The following SPEG variants were observed in gnomAD, a reference collection of about 807,000 sequenced individuals.
The protein encoded by SPEG is striated muscle preferentially expressed protein kinase.
In SPEG, 114 loss-of-function variants were observed where a neutral mutation model predicts 300.4. The observed-to-expected ratio is 0.38, with a 90% CI of 0.33 to 0.44. The LOEUF is 0.44. SPEG is among the 20% of genes least tolerant of loss of function. SPEG has a pLI of 1.00. For missense variants in SPEG, 4,201 were observed against 4,586.2 expected (o/e 0.92, Z 2.43); for synonymous variants, 1,964 against 2,018.9 (o/e 0.97, Z 0.73).
Position 219,477,315 on chromosome 2 carries a change from C to G in SPEG, c.4599C>G (p.Phe1533Leu). The change falls in exon 20 of 41, where the codon TTC becomes TTG. Residue 1533 changes from phenylalanine (F) to leucine (L), a missense_variant. Phe to Leu is a conservative substitution (Grantham distance 22). This residue lies in a region of SPEG where 1,047 missense variants were observed against 1,356.8 expected (regional missense o/e 0.77). Transcript: ENST00000312358. This position sits in a 1 kb window ranked among gnomAD's most constrained non-coding sequence, Gnocchi z 6.4. The part of the protein sequence containing the change: ...VLLTESSHVS[F>L]VYEENECSLV... ...TGACCGAGAGCAGCCATGTGAGCTT[C>G]GTGTACGAGGAGAATGAGTGCTCCC... The G allele has an allele frequency of 3.1e-6, 5 of 1,613,266 alleles. No individual in the cohort carries two copies. The highest frequency in any genetic ancestry group is 4.2e-6 in the Non-Finnish European group (5 of 1,179,848).
In SPEG at chr2:219,492,643, G is replaced by C. The variant is rs530008202; in HGVS notation, c.9661G>C (p.Ala3221Pro). Residue 3221 changes from alanine (A) to proline (P), a missense_variant, in exon 41 of 41, where the codon GCC (alanine) becomes CCC (proline). Around this residue, in one of 4 missense-constraint regions of SPEG, gnomAD observed 318 missense variants for 429.5 expected, o/e 0.74. Transcript: ENST00000312358. ...CCTGGCCCACCCATGGTTGCAGGAC[G>C]CCTACCTGATGAAGCTGCGCCGCCA... ...DCLAHPWLQD[A>P]YLMKLRRQTL... The C allele has an allele frequency of 3.7e-6, 6 of 1,611,312 alleles. No individual in the cohort carries two copies. Among genetic ancestry groups the C allele is most frequent in the Non-Finnish European group, 5.1e-6 (6 of 1,180,002 alleles).
chr2:219,490,805 C>T lies in SPEG; in HGVS notation c.9234C>T (p.Gly3078=), dbSNP rs759373121. The change falls in exon 38 of 41, where the codon GGC becomes GGT. Residue 3078 remains glycine (G), a synonymous_variant. Transcript: ENST00000312358. Reference sequence around the variant, plus strand: ...TACAAGGCCTGGACTACCTCCACGGCCACCACGTGCTCCACCTAGACATCA... The same window carrying T: ...TACAAGGCCTGGACTACCTCCACGGTCACCACGTGCTCCACCTAGACATCA... ...QLLQGLDYLH[G]HHVLHLDIKP... 3 of 1,613,976 alleles carry T rather than the reference C, an allele frequency of 1.9e-6. No individual in the cohort carries two copies. Among genetic ancestry groups the T allele is most frequent in the Middle Eastern group, 1.6e-4 (1 of 6,084 alleles).
chr2:219,459,959 G>A lies in SPEG; in HGVS notation c.2441-1923G>A, dbSNP rs1484489400. 6.6e-6 allele frequency among the ~76,000 whole-genome samples: 1 copy of A among 152,218 alleles called. No homozygotes were observed. Among genetic ancestry groups the A allele is most frequent in the Non-Finnish European group, 1.5e-5 (1 of 68,032 alleles). On this transcript the variant is annotated intron_variant, in intron 6 of 40. Transcript: ENST00000312358. This position sits in a 1 kb window ranked among gnomAD's most constrained non-coding sequence, Gnocchi z 4.9. ...CGGGGTGAGGTGATAGGAAGAGGGA[G>A]AAGGACATGTGACCCCTGCTCAACA... is the stretch of plus-strand genomic sequence containing the variant.
chr2:219,460,857 T>C, intron 6 of SPEG: 5 of 986,218 alleles, frequency 5.1e-6, no homozygotes, highest in Non-Finnish European at 6.0e-6. Flanking sequence ...TGAGTGGGGC[T>C]GGGCAGGCTG....
In SPEG at chr2:219,448,725, C is replaced by A; in HGVS notation, c.1567C>A (p.Arg523Ser). The A allele has an allele frequency of 6.7e-7, 1 of 1,491,024 alleles. No individual in the cohort carries two copies. Among genetic ancestry groups the A allele is most frequent in the East Asian group, 2.8e-5 (1 of 35,316 alleles). The allele number at this position is 1,491,024 out of a possible 1,614,324, so 92.4% of individuals were successfully genotyped here. A position where few individuals can be genotyped will look rare whatever the true frequency, so the allele number is the denominator to read the frequency against. The change falls in exon 4 of 41, where the codon CGT becomes AGT. Residue 523 changes from arginine to serine, a missense_variant. By Grantham distance (110) the Arg-to-Ser change is moderately radical. Around this residue, in one of 4 missense-constraint regions of SPEG, gnomAD observed 1,258 missense variants for 1,293.9 expected, o/e 0.97. Transcript: ENST00000312358. ...SHESLRATLQ[R>S]APSPREPGEP... ...CGAGTCCCTGCGCGCCACGCTGCAG[C>A]GTGCCCCATCCCCTCGAGAGCCCGG...
chr2:219,490,907 C>T lies in SPEG; in HGVS notation c.9336C>T (p.Pro3112=), dbSNP rs1693909983. The change falls in exon 38 of 41, where the codon CCC becomes CCT. Residue 3112 remains proline, a synonymous_variant. Transcript: ENST00000312358. ...VDFGSAQPYN[P]QALRPLGHRT... ...TTGGCAGTGCCCAGCCCTACAACCC[C>T]CAGGCCCTTAGGCCCCTTGGCCACC... is the stretch of plus-strand genomic sequence containing the variant. The T allele has an allele frequency of 6.2e-7, 1 of 1,613,826 alleles. No homozygotes were observed. Among genetic ancestry groups the T allele is most frequent in the South Asian group, 1.1e-5 (1 of 91,082 alleles).
At chr2:219,467,484 G>C in intron 10 of SPEG, 50 bp downstream of exon 10, 1 of 1,562,330 alleles carries the variant, frequency 6.4e-7, no homozygotes, top group Non-Finnish European at 8.7e-7. Flanking sequence ...AAGAGCTGGA[G>C]GGAGGGGACT....
intron 6 of SPEG, among the ~76,000 whole-genome samples, chr2:219,453,150 A>G (rs1344392744): frequency 6.6e-6 from 1 of 152,170 alleles, no homozygotes; most frequent in Non-Finnish European, 1.5e-5. Flanking sequence ...GACCCCAGTC[A>G]ATACCTGGCT....
Position 219,483,798 on chromosome 2 carries a change from C to T in SPEG, c.6335C>T (p.Ala2112Val). The change falls in exon 30 of 41, where the codon GCA (alanine) becomes GTA (valine). Residue 2112 changes from alanine to valine, a missense_variant. By Grantham distance (64) the Ala-to-Val change is moderately conservative (BLOSUM62 0). Coordinates refer to ENST00000312358, the MANE Select transcript of SPEG (RefSeq NM_005876.5). ...PRMARAASSE[A>V]APHHQPPLEN... ...ATGGCACGAGCTGCCTCCAGCGAGGCAGCGCCCCACCACCAGCCCCCACTC... is the reference window on the plus strand; with the variant it reads ...ATGGCACGAGCTGCCTCCAGCGAGGTAGCGCCCCACCACCAGCCCCCACTC... 1 of 1,569,190 alleles carries T rather than the reference C, an allele frequency of 6.4e-7. No homozygotes were observed. The highest frequency in any genetic ancestry group is 1.3e-5 in the African/African-American group (1 of 74,334).
chr2:219,461,057 G>C, intron 6 of SPEG: 1 of 950,652 alleles, frequency 1.1e-6, no homozygotes, highest in African/African-American at 1.8e-5. Context: ...GAGAACCTAG[G>C]GGGCTGTGGC....
At position 219,473,355 on chromosome 2, in the gene SPEG, C is replaced by A. The variant is rs116038679; in HGVS notation, c.4148-149C>A. On this transcript the variant is annotated intron_variant, in intron 16 of 40. Transcript: ENST00000312358. The surrounding 1 kb of genome is among the most constrained non-coding windows in gnomAD (Gnocchi z 4.6). Reference sequence around the variant, plus strand: ...AGCTTTGCTGCTCTCTGGCTGTGTTCCCCTGACAAATCGCTAAACCTCTCT... The same window carrying A: ...AGCTTTGCTGCTCTCTGGCTGTGTTACCCTGACAAATCGCTAAACCTCTCT... The A allele has an allele frequency of 2.5e-3, 2,167 of 859,982 alleles. 42 individuals carry two copies. The African/African-American group carries it at 0.032, about 13-fold the overall frequency. 53.3% of individuals were successfully genotyped at this position (859,982 alleles called of 1,614,324 possible).
In SPEG at chr2:219,483,870, C is replaced by T. The variant is rs1181553712; in HGVS notation, c.6407C>T (p.Ala2136Val). The change falls in exon 30 of 41, where the codon GCG becomes GTG. Residue 2136 changes from alanine to valine, a missense_variant. Ala to Val is a moderately conservative substitution (Grantham distance 64). Around this residue, in one of 4 missense-constraint regions of SPEG, gnomAD observed 1,578 missense variants for 1,506.0 expected, o/e 1.05. Coordinates refer to ENST00000312358, the MANE Select transcript of SPEG (RefSeq NM_005876.5). The stretch of plus-strand genomic sequence containing the variant: ...AGCAGCAGCTTCTCCCAGGGTGAGG[C>T]GGAGCCCCGGGGCCGGCACCGCCGA... ...QKSSSFSQGE[A>V]EPRGRHRRAG... 1 of 1,595,586 alleles carries T rather than the reference C, an allele frequency of 6.3e-7. No homozygotes were observed. Among genetic ancestry groups the T allele is most frequent in the Non-Finnish European group, 8.5e-7 (1 of 1,176,448 alleles).
In SPEG at chr2:219,488,801, C is replaced by A. The variant is rs1693687636; in HGVS notation, c.8050C>A (p.Pro2684Thr). The A allele has an allele frequency of 1.2e-6, 2 of 1,600,622 alleles. No individual in the cohort carries two copies. The highest frequency in any genetic ancestry group is 1.7e-6 in the Non-Finnish European group (2 of 1,172,656). ...VARVPGKLAP[P>T]EVPQTYQDTA... The stretch of plus-strand genomic sequence containing the variant: ...AGGAGTCCCAGGAAAGCTAGCTCCT[C>A]CAGAGGTACCCCAGACCTACCAGGA... Residue 2684 changes from proline (P) to threonine (T), a missense_variant, in exon 34 of 41, where the codon CCA (proline) becomes ACA (threonine). Pro to Thr is a conservative substitution (Grantham distance 38). Around this residue, in one of 4 missense-constraint regions of SPEG, gnomAD observed 1,578 missense variants for 1,506.0 expected, o/e 1.05. Coordinates refer to ENST00000312358, the MANE Select transcript of SPEG (RefSeq NM_005876.5).
chr2:219,486,011 ACACT>A (rs1693383841), intron 31 of SPEG, among the ~76,000 whole-genome samples: 1 of 152,170 alleles, frequency 6.6e-6, no homozygotes, highest in South Asian at 2.1e-4. Context: ...GTACCCAAAG[ACACT>A]CACTTTCTCT....
At position 219,479,101 on chromosome 2, in the gene SPEG, G is replaced by A. The variant is rs1168983694; in HGVS notation, c.5028-43G>A. ...CTGCCCTGAGCGCTGGGCTGGGCCGGGCAGTTGGCACTGGGCACTGTTCTC... is the reference window on the plus strand; with the variant it reads ...CTGCCCTGAGCGCTGGGCTGGGCCGAGCAGTTGGCACTGGGCACTGTTCTC... On this transcript the variant is annotated intron_variant, in intron 22 of 40. Coordinates refer to ENST00000312358, the MANE Select transcript of SPEG (RefSeq NM_005876.5). This position sits in a 1 kb window ranked among gnomAD's most constrained non-coding sequence, Gnocchi z 5.5. 5.0e-6 allele frequency: 8 copies of A among 1,592,114 alleles called. No homozygotes were observed. The highest frequency in any genetic ancestry group is 6.9e-6 in the Non-Finnish European group (8 of 1,162,396).
Position 219,492,207 on chromosome 2 carries a change from T to C in SPEG, c.9558T>C (p.Asn3186=), listed in dbSNP as rs747873110. Residue 3186 remains asparagine (N), a synonymous_variant, in exon 40 of 41, where the codon AAT becomes AAC. Coordinates refer to ENST00000312358, the MANE Select transcript of SPEG (RefSeq NM_005876.5). ...TTGATGCCTTCCAGCTGTACCCCAA[T>C]ACATCCCAGAGCGCCACCCTCTTCT... ...GRFDAFQLYP[N]TSQSATLFLR... The C allele has an allele frequency of 1.2e-6, 2 of 1,613,542 alleles. No individual in the cohort carries two copies. The highest frequency in any genetic ancestry group is 1.7e-5 in the Admixed American group (1 of 59,972).
chr2:219,492,203 C>A lies in SPEG; in HGVS notation c.9554C>A (p.Pro3185His). The A allele has an allele frequency of 6.2e-7, 1 of 1,613,716 alleles. No individual in the cohort carries two copies. Among genetic ancestry groups the A allele is most frequent in the Non-Finnish European group, 8.5e-7 (1 of 1,179,906 alleles). ...GGRFDAFQLY[P>H]NTSQSATLFL... Reference sequence around the variant, plus strand: ...CGCTTTGATGCCTTCCAGCTGTACCCCAATACATCCCAGAGCGCCACCCTC... The same window carrying A: ...CGCTTTGATGCCTTCCAGCTGTACCACAATACATCCCAGAGCGCCACCCTC... The change falls in exon 40 of 41, where the codon CCC becomes CAC. Residue 3185 changes from proline to histidine, a missense_variant. Around this residue, in one of 4 missense-constraint regions of SPEG, gnomAD observed 318 missense variants for 429.5 expected, o/e 0.74. Coordinates refer to ENST00000312358, the MANE Select transcript of SPEG (RefSeq NM_005876.5).
intron 6 of SPEG, chr2:219,461,412 G>A (rs1690682651): frequency 4.9e-6 from 5 of 1,012,088 alleles, no homozygotes; most frequent in Non-Finnish European, 5.9e-6. Context: ...CTTGTCTGCG[G>A]TGTGTGTTCC....
At position 219,490,650 on chromosome 2, in the gene SPEG, T is replaced by C; in HGVS notation, c.9161+2T>C. The C allele has an allele frequency of 6.2e-7, 1 of 1,608,522 alleles. No homozygotes were observed. The highest frequency in any genetic ancestry group is 8.5e-7 in the Non-Finnish European group (1 of 1,175,320). On this transcript the variant is annotated splice_donor_variant, in intron 37 of 40. Coordinates refer to ENST00000312358, the MANE Select transcript of SPEG (RefSeq NM_005876.5). LOFTEE classifies it high-confidence loss of function. ...ACTCCTCTGTGGGCTCAGTGACAGG[T>C]AGCTGGGAATTCTAGGGGAGTAGGG...
Sources: gnomAD v4.1 joint callset for allele counts (sites outside exome capture counted in the v4.1 genomes callset) on GRCh38, gnomAD v4.1.1 for gene constraint, gnomAD v4.1.1 regional missense constraint, Gnocchi (gnomAD v3.1) non-coding constraint, MANE v1.5 for transcripts, NCBI Gene and HGNC (gene_info 2026-07-23, HGNC 2026-07-21) for gene names.